STEAP1: variants seen among roughly 807,000 people sequenced by gnomAD.
STEAP1 encodes the protein STEAP1 protein.
STEAP1 carries 30 observed loss-of-function variants against 34.4 expected under a neutral mutation model. The ratio of observed to expected loss-of-function variants is 0.87; its 90% CI spans 0.65 to 1.18. The LOEUF is 1.18. Among genes scored for constraint, STEAP1 ranks in the 50% most tolerant of loss-of-function variants. The pLI is 0.00. For missense variants in STEAP1, 318 were observed against 391.1 expected (o/e 0.81, Z 1.58); for synonymous variants, 116 against 135.3 (o/e 0.86, Z 0.99).
chr7:90,163,025 A>G (rs1353620237), intron 4 of STEAP1: 2 of 436,648 alleles, frequency 4.6e-6, no homozygotes, highest in Non-Finnish European at 9.9e-6. Flanking sequence ...TCCTTGTCTG[A>G]CAAGATTCAA....
rs1261425608 is a variant in STEAP1 at position 90,164,668 on chromosome 7, G to A, written c.954G>A (p.Leu318=). 1 of 1,613,668 alleles carries A rather than the reference G, an allele frequency of 6.2e-7. No homozygotes were observed. The highest frequency in any genetic ancestry group is 8.5e-7 in the Non-Finnish European group (1 of 1,179,794). ...TGCCATGCTTGAGGAAGAAGATACT[G>A]AAGATTAGACATGGTTGGGAAGACG... ...LFLPCLRKKI[L]KIRHGWEDVT... The change falls in exon 5 of 5, where the codon CTG becomes CTA. Residue 318 remains leucine (L), a synonymous_variant. Transcript: ENST00000297205.
rs540391692 is a variant in STEAP1, at chr7:90,158,085, T to G, written c.-31-1673T>G. On this transcript the variant is annotated intron_variant, in intron 1 of 4. Coordinates refer to ENST00000297205, the MANE Select transcript of STEAP1 (RefSeq NM_012449.3). ...ATAGAAAAGGTATAGTAAACATACA[T>G]ATATCGTACAAAAGATAAAAAATTG... 3.9e-5 allele frequency among the ~76,000 whole-genome samples: 6 copies of G among 152,302 alleles called. No individual in the cohort carries two copies. The East Asian group carries it at 1.2e-3, about 29-fold the overall frequency.
In STEAP1 at chr7:90,161,127, C is replaced by T. The variant is rs1349515360; in HGVS notation, c.407C>T (p.Ala136Val). 8 of 1,613,948 alleles carry T rather than the reference C, an allele frequency of 5.0e-6. No homozygotes were observed. Among genetic ancestry groups the T allele is most frequent in the Non-Finnish European group, 5.9e-6 (7 of 1,179,816 alleles). The change falls in exon 3 of 5, where the codon GCA becomes GTA. Residue 136 changes from alanine (A) to valine (V), a missense_variant. By Grantham distance (64) the Ala-to-Val change is moderately conservative. Transcript: ENST00000297205. Reference sequence around the variant, plus strand: ...TTGGTTTACCTGCCAGGTGTGATAGCAGCAATTGTCCAACTTCATAATGGA... The same window carrying T: ...TTGGTTTACCTGCCAGGTGTGATAGTAGCAATTGTCCAACTTCATAATGGA... ...LALVYLPGVIAAIVQLHNGTK... is the reference protein window; with the variant it reads ...LALVYLPGVIVAIVQLHNGTK...
chr7:90,162,216 G>A (rs1794195465), intron 4 of STEAP1, 138 bp downstream of exon 4: 1 of 1,305,924 alleles, frequency 7.7e-7, no homozygotes, highest in Non-Finnish European at 1.0e-6. Flanking sequence ...AATTAATAAT[G>A]TGCTCTCCTG....
At chr7:90,159,068 A>G (rs562225568) in intron 1 of STEAP1, among the ~76,000 whole-genome samples, 33 of 152,352 alleles carry the variant, frequency 2.2e-4, no homozygotes, top group African/African-American at 7.7e-4. Flanking sequence ...TTCTTTCCCT[A>G]AAAAATGTTA....
rs1176021190 is a variant in STEAP1 at position 90,161,219 on chromosome 7, C to G, written c.499C>G (p.Leu167Val). 6.2e-7 allele frequency: 1 copy of G among 1,613,994 alleles called. No individual in the cohort carries two copies. Among genetic ancestry groups the G allele is most frequent in the Non-Finnish European group, 8.5e-7 (1 of 1,179,998 alleles). Residue 167 changes from leucine (L) to valine (V), a missense_variant, in exon 3 of 5, where the codon CTC (leucine) becomes GTC (valine). Coordinates refer to ENST00000297205, the MANE Select transcript of STEAP1 (RefSeq NM_012449.3). ...WMLTRKQFGLLSFFFAVLHAI... is the reference protein window; with the variant it reads ...WMLTRKQFGLVSFFFAVLHAI... Reference sequence around the variant, plus strand: ...GTTAACAAGAAAGCAGTTTGGGCTTCTCAGTTTCTTTTTTGCTGTACTGCA... The same window carrying G: ...GTTAACAAGAAAGCAGTTTGGGCTTGTCAGTTTCTTTTTTGCTGTACTGCA...
At chr7:90,162,182 C>G in intron 4 of STEAP1, 104 bp downstream of exon 4, 1 of 1,432,654 alleles carries the variant, frequency 7.0e-7, no homozygotes, top group Non-Finnish European at 9.2e-7. Context: ...TGTTTTTCAA[C>G]AGCAAAGATC....
chr7:90,164,522 T>C lies in STEAP1; in HGVS notation c.808T>C (p.Leu270=). 1 of 1,613,370 alleles carries C rather than the reference T, an allele frequency of 6.2e-7. No individual in the cohort carries two copies. Among genetic ancestry groups the C allele is most frequent in the Non-Finnish European group, 8.5e-7 (1 of 1,179,626 alleles). The change falls in exon 5 of 5, where the codon TTG becomes CTG. Residue 270 remains leucine, a synonymous_variant. Coordinates refer to ENST00000297205, the MANE Select transcript of STEAP1 (RefSeq NM_012449.3). ...CCTTCTACTGGGCACAATACACGCA[T>C]TGATTTTTGCCTGGAATAAGTGGAT... ...VSLLLGTIHA[L]IFAWNKWIDI...
At chr7:90,161,405 A>G in intron 3 of STEAP1, 88 bp downstream of exon 3, 1 of 1,395,524 alleles carries the variant, frequency 7.2e-7, no homozygotes, top group Non-Finnish European at 9.6e-7. Context: ...TCAATACCCC[A>G]ACCCTGTTGA....
chr7:90,159,560 C>G (rs185969965), intron 1 of STEAP1, among the ~76,000 whole-genome samples, 198 bp from the exon 2 acceptor site: 4 of 152,268 alleles, frequency 2.6e-5, no homozygotes, highest in Admixed American at 2.0e-4. Flanking sequence ...AGAGCAGTTA[C>G]TGTTGATAAG....
chr7:90,157,876 G>A (rs1001449463), intron 1 of STEAP1, among the ~76,000 whole-genome samples: 6 of 152,128 alleles, frequency 3.9e-5, no homozygotes, highest in Non-Finnish European at 5.9e-5. Flanking sequence ...ATTGTAAGGC[G>A]GGATTTCATT....
At chr7:90,158,084 A>G (rs1387926062) in intron 1 of STEAP1, among the ~76,000 whole-genome samples, 1 of 152,224 alleles carries the variant, frequency 6.6e-6, no homozygotes, top group Non-Finnish European at 1.5e-5. Context: ...GTAAACATAC[A>G]TATATCGTAC....
chr7:90,155,045 T>A (rs1398076134), intron 1 of STEAP1, among the ~76,000 whole-genome samples: 2 of 152,182 alleles, frequency 1.3e-5, no homozygotes, highest in African/African-American at 4.8e-5. Flanking sequence ...TCAGGTTCCC[T>A]CCAAAATAGT....
chr7:90,164,337 T>C (rs1794223083), intron 4 of STEAP1, 140 bp from the exon 5 acceptor site: 3 of 1,040,774 alleles, frequency 2.9e-6, no homozygotes, highest in Admixed American at 5.7e-5. Flanking sequence ...TAGAAAGATG[T>C]GAATGGACAT....
rs1353806061 is a variant in STEAP1 at position 90,155,824 on chromosome 7, T to C, written c.-32+1281T>C. Among the ~76,000 whole-genome samples the C allele has an allele frequency of 1.5e-4, 23 of 152,274 alleles. 1 individual carries two copies. The South Asian group carries it at 3.9e-3, about 26-fold the overall frequency. On this transcript the variant is annotated intron_variant, in intron 1 of 4. Transcript: ENST00000297205. ...GTAACTCTCCAGGGCCACTCTGGTT[T>C]TCCACCCAGACTCCGTTTGTAGTGG...
At chr7:90,162,993 A>T in intron 4 of STEAP1, 1 of 414,060 alleles carries the variant, frequency 2.4e-6, no homozygotes, top group Non-Finnish European at 5.3e-6. Flanking sequence ...AAGAAGAGTG[A>T]TGTGCCAGAA....
At chr7:90,163,643 G>A (rs1055965940) in intron 4 of STEAP1, among the ~76,000 whole-genome samples, 11 of 152,270 alleles carry the variant, frequency 7.2e-5, no homozygotes, top group African/African-American at 1.2e-4. Flanking sequence ...TTGTGAGTTC[G>A]ATTTGTTCTG....
chr7:90,162,898 C>T (rs1794205488), intron 4 of STEAP1: 1 of 258,630 alleles, frequency 3.9e-6, no homozygotes, highest in Non-Finnish European at 9.3e-6. Context: ...TATATACTTA[C>T]TCACTTGAAG....
rs776048982 is a variant in STEAP1 at position 90,164,663 on chromosome 7, A to T, written c.949A>T (p.Ile317Leu). The T allele has an allele frequency of 6.2e-7, 1 of 1,613,788 alleles. No homozygotes were observed. The highest frequency in any genetic ancestry group is 8.5e-7 in the Non-Finnish European group (1 of 1,179,814). ...ILFLPCLRKK[I>L]LKIRHGWEDV... is the part of the protein sequence containing the mutation. The stretch of plus-strand genomic sequence containing the variant: ...ATTCCTGCCATGCTTGAGGAAGAAG[A>T]TACTGAAGATTAGACATGGTTGGGA... The change falls in exon 5 of 5, where the codon ATA becomes TTA. Residue 317 changes from isoleucine (I) to leucine (L), a missense_variant. Coordinates refer to ENST00000297205, the MANE Select transcript of STEAP1 (RefSeq NM_012449.3).
Sources: gnomAD v4.1 joint callset for allele counts (sites outside exome capture counted in the v4.1 genomes callset) on GRCh38, gnomAD v4.1.1 for gene constraint, MANE v1.5 for transcripts, NCBI Gene and HGNC (gene_info 2026-07-23, HGNC 2026-07-21) for gene names.